CLTB: variants seen among roughly 807,000 people sequenced by gnomAD.
CLTB encodes clathrin, light chain (Lcb).
CLTB carries 10 observed loss-of-function variants against 30.5 expected under a neutral mutation model. The ratio of observed to expected loss-of-function variants is 0.33; its 90% CI spans 0.20 to 0.56. CLTB has a LOEUF of 0.56. CLTB is among the 20% of genes least tolerant of loss of function. The probability of loss-of-function intolerance (pLI) is 0.91; values close to 1 mark genes in which losing one functional copy is unlikely to be tolerated. For synonymous variants in CLTB, 102 were observed against 120.3 expected (o/e 0.85, Z 1.00); for missense variants, 261 against 308.3 (o/e 0.85, Z 1.15).
At chr5:176,407,053 C>T (rs991352339) in intron 2 of CLTB, among the ~76,000 whole-genome samples, 1 of 152,192 alleles carries the variant, frequency 6.6e-6, no homozygotes, top group Non-Finnish European at 1.5e-5. Context: ...AATAAACACA[C>T]CTGCTGTGAT....
In CLTB at chr5:176,393,471, G is replaced by A. The variant is rs1456536742; in HGVS notation, c.519-526C>T. ...GTGAGGATTCTCCAGAAAGACTGTG[G>A]TCAAATACCTATGGAAAACCCAGCT... On this transcript the variant is annotated intron_variant, in intron 5 of 5. Transcript: ENST00000310418. The surrounding 1 kb of genome is among the most constrained non-coding windows in gnomAD (Gnocchi z 4.4). Among the ~76,000 whole-genome samples the A allele has an allele frequency of 2.0e-5, 3 of 152,164 alleles. No individual in the cohort carries two copies. The highest frequency in any genetic ancestry group is 4.4e-5 in the Non-Finnish European group (3 of 68,042).
chr5:176,404,257 C>G (rs1401113325), intron 2 of CLTB, among the ~76,000 whole-genome samples: 2 of 152,198 alleles, frequency 1.3e-5, no homozygotes, highest in African/African-American at 4.8e-5. Flanking sequence ...AGACTAGAGA[C>G]TGGGTCCCCA....
chr5:176,397,198 G>C (rs1756564323), intron 4 of CLTB, among the ~76,000 whole-genome samples: 2 of 152,266 alleles, frequency 1.3e-5, no homozygotes, highest in Non-Finnish European at 1.5e-5. Flanking sequence ...CTAGACAGAA[G>C]GGTAGCTTCC....
intron 5 of CLTB, among the ~76,000 whole-genome samples, chr5:176,394,321 C>T (rs572713786): frequency 2.0e-5 from 3 of 152,338 alleles, no homozygotes; most frequent in South Asian, 2.1e-4. Context: ...GCCTCCCCAC[C>T]GTCCTGCTGA....
chr5:176,416,111 T>G, intron 1 of CLTB, 66 bp downstream of exon 1: 1 of 1,401,784 alleles, frequency 7.1e-7, no homozygotes, highest in Non-Finnish European at 9.3e-7. Flanking sequence ...CCTGTGCCCC[T>G]GGGCCCCGGC....
At chr5:176,399,389 T>C (rs1756701840) in intron 2 of CLTB, among the ~76,000 whole-genome samples, 1 of 152,204 alleles carries the variant, frequency 6.6e-6, no homozygotes, top group Non-Finnish European at 1.5e-5. Context: ...TCTGATACTA[T>C]GAAATGTTTG....
intron 2 of CLTB, among the ~76,000 whole-genome samples, chr5:176,409,025 G>A (rs1019382475): frequency 6.6e-6 from 1 of 152,106 alleles, no homozygotes; most frequent in African/African-American, 2.4e-5. Flanking sequence ...TGCCCAGGCT[G>A]GAGTGCAGTG....
At chr5:176,414,298 G>A (rs1282493684) in intron 1 of CLTB, among the ~76,000 whole-genome samples, 5 of 152,158 alleles carry the variant, frequency 3.3e-5, no homozygotes, top group Admixed American at 1.3e-4. Flanking sequence ...CCTGGGACAC[G>A]GCAGATTCTG....
At chr5:176,403,678 T>C (rs1314366074) in intron 2 of CLTB, among the ~76,000 whole-genome samples, 1 of 150,048 alleles carries the variant, frequency 6.7e-6, no homozygotes, top group Non-Finnish European at 1.5e-5. Context: ...GGTCTTGAAC[T>C]CCTGACCTTG....
chr5:176,396,606 T>TAGAG (rs374264390), intron 4 of CLTB, 74 bp from the exon 5 acceptor site: 54 of 981,500 alleles, frequency 5.5e-5, no homozygotes, highest in Middle Eastern at 4.1e-4. Flanking sequence ...GGCAGAAGGT[T>TAGAG]AGAGAGAGAG....
intron 5 of CLTB, among the ~76,000 whole-genome samples, chr5:176,396,002 G>C (rs954165200): frequency 6.6e-6 from 1 of 152,144 alleles, no homozygotes; most frequent in African/African-American, 2.4e-5. Context: ...GGGCACGGTT[G>C]CATGTGCCTA....
In CLTB at chr5:176,393,035, G is replaced by A; in HGVS notation, c.519-90C>T. The A allele has an allele frequency of 7.0e-7, 1 of 1,428,008 alleles. No homozygotes were observed. The highest frequency in any genetic ancestry group is 9.8e-7 in the Non-Finnish European group (1 of 1,020,830). The allele number at this position is 1,428,008 out of a possible 1,614,324, so 88.5% of individuals were successfully genotyped here. A position where few individuals can be genotyped will look rare whatever the true frequency, so the allele number is the denominator to read the frequency against. On this transcript the variant is annotated intron_variant, in intron 5 of 5. Coordinates refer to ENST00000310418, the MANE Select transcript of CLTB (RefSeq NM_007097.5). The surrounding 1 kb of genome is among the most constrained non-coding windows in gnomAD (Gnocchi z 4.4). ...AGGCTGCTTTGCCCAGCCTACTCTG[G>A]GGCACTGTGTCCTCCCCAGCCTTGT...
At position 176,397,557 on chromosome 5, in the gene CLTB, A is replaced by G. The variant is rs1257685024; in HGVS notation, c.464+50T>C. 7 of 257,408 alleles carry G rather than the reference A, an allele frequency of 2.7e-5. No individual in the cohort carries two copies. In the East Asian group the frequency reaches 7.6e-4, roughly 28 times the overall value. 15.9% of individuals were successfully genotyped at this position (257,408 alleles called of 1,614,324 possible). A position where few individuals can be genotyped will look rare whatever the true frequency, so the allele number is the denominator to read the frequency against. On this transcript the variant is annotated intron_variant, in intron 4 of 5. Coordinates refer to ENST00000310418, the MANE Select transcript of CLTB (RefSeq NM_007097.5). ...CCCCACGGCCCCCTCATGTCCCCAC[A>G]GCCCCCCTCATGTCCCCATGGCCCC...
chr5:176,416,409 C>G lies in CLTB; in HGVS notation c.-46G>C. 1 of 1,471,530 alleles carries G rather than the reference C, an allele frequency of 6.8e-7. No homozygotes were observed. The highest frequency in any genetic ancestry group is 9.0e-7 in the Non-Finnish European group (1 of 1,113,124). 91.2% of individuals were successfully genotyped at this position (1,471,530 alleles called of 1,614,324 possible). The stretch of plus-strand genomic sequence containing the variant: ...AGCCTCCGCTGCGCTCGGCTCTGCC[C>G]GCGCCTGCCCCGCGCTGCGTCCGGC... On this transcript the variant is annotated 5_prime_UTR_variant, in exon 1 of 6. Transcript: ENST00000310418.
chr5:176,406,088 C>A, intron 2 of CLTB: 1 of 926,000 alleles, frequency 1.1e-6, no homozygotes. Context: ...TATTTTCCTG[C>A]CCCTGTCCCC....
chr5:176,414,884 G>C (rs528748073), intron 1 of CLTB, among the ~76,000 whole-genome samples: 1 of 152,300 alleles, frequency 6.6e-6, no homozygotes, highest in East Asian at 1.9e-4. Context: ...TATCCCCAGC[G>C]TCCTGACACA....
intron 5 of CLTB, among the ~76,000 whole-genome samples, chr5:176,395,960 C>T (rs2113628325): frequency 6.6e-6 from 1 of 152,224 alleles, no homozygotes; most frequent in South Asian, 2.1e-4. Context: ...CATGGTGAAA[C>T]CCCGTCTCTA....
At chr5:176,410,720 G>A (rs1355173231) in intron 1 of CLTB, among the ~76,000 whole-genome samples, 2 of 152,108 alleles carry the variant, frequency 1.3e-5, no homozygotes, top group East Asian at 3.9e-4. Context: ...GTAAGCTCAG[G>A]GCAGGGGCTA....
At chr5:176,405,220 C>T (rs900385729) in intron 2 of CLTB, among the ~76,000 whole-genome samples, 1 of 152,006 alleles carries the variant, frequency 6.6e-6, no homozygotes, top group African/African-American at 2.4e-5. Flanking sequence ...CCAGGTGCAG[C>T]GGCTCACACC....
Sources: gnomAD v4.1 joint callset for allele counts (sites outside exome capture counted in the v4.1 genomes callset) on GRCh38, gnomAD v4.1.1 for gene constraint, Gnocchi (gnomAD v3.1) non-coding constraint, MANE v1.5 for transcripts, NCBI Gene and HGNC (gene_info 2026-07-23, HGNC 2026-07-21) for gene names.